The following CACNA1B variants were observed in gnomAD, a reference collection of about 807,000 sequenced individuals.
CACNA1B encodes the protein calcium voltage-gated channel subunit alpha1 B, also known as voltage-dependent N-type calcium channel subunit alpha-1B.
CACNA1B carries 70 observed loss-of-function variants against 247.2 expected under a neutral mutation model. The ratio of observed to expected loss-of-function variants is 0.28; its 90% confidence interval spans 0.23 to 0.35. The LOEUF (loss-of-function observed/expected upper bound fraction) is 0.35, where lower values mean the gene tolerates loss of function less well. Among genes scored for constraint, CACNA1B ranks in the 10% least tolerant of loss-of-function variants. The pLI is 1.00. For missense variants in CACNA1B, 2,367 were observed against 3,197.4 expected, an observed-to-expected ratio of 0.74 and a Z score of 6.26; for synonymous variants, 1,231 against 1,294.4, an observed-to-expected ratio of 0.95 and a Z score of 1.05.
chr9:137,950,368 T>C lies in CACNA1B; in HGVS notation c.967-1906T>C, dbSNP rs1957865077. ...CCCTAGCTGCAGGGGGTGCCCCTAC[T>C]GCCTGTGTAAATGGAAGTCAAGGTG... is the stretch of plus-strand genomic sequence containing the variant. On this transcript the variant is annotated intron_variant, in intron 6 of 46. Transcript: ENST00000371372. The surrounding 1 kb of genome is among the most constrained non-coding windows in gnomAD (Gnocchi z 4.8). Among the ~76,000 whole-genome samples, 1 of 152,244 alleles carries C rather than the reference T, an allele frequency of 6.6e-6. No individual in the cohort carries two copies. The highest frequency in any genetic ancestry group is 6.5e-5 in the Admixed American group (1 of 15,288).
chr9:138,049,515 C>G (rs1027634268), intron 24 of CACNA1B, among the ~76,000 whole-genome samples, 200 bp downstream of exon 24: 4 of 152,172 alleles, frequency 2.6e-5, no homozygotes, highest in Non-Finnish European at 5.9e-5. Flanking sequence ...GTCTGTGGCT[C>G]TCAAACTAGG....
chr9:137,882,690 C>A lies in CACNA1B; in HGVS notation c.391-54C>A. ...GGGGTCCTCACCAACCGTCTCTGCCCGCTACTACACCGGGTAGGGGCCAGG... is the reference window on the plus strand; with the variant it reads ...GGGGTCCTCACCAACCGTCTCTGCCAGCTACTACACCGGGTAGGGGCCAGG... On this transcript the variant is annotated intron_variant, in intron 2 of 46. Coordinates refer to ENST00000371372, the MANE Select transcript of CACNA1B (RefSeq NM_000718.4). The surrounding 1 kb of genome is among the most constrained non-coding windows in gnomAD (Gnocchi z 4.0). 1 of 1,606,062 alleles carries A rather than the reference C, an allele frequency of 6.2e-7. No homozygotes were observed. The highest frequency in any genetic ancestry group is 1.1e-5 in the South Asian group (1 of 90,660).
Position 137,974,654 on chromosome 9 carries a change from G to A in CACNA1B, c.1544-1253G>A, listed in dbSNP as rs78178087. ...TTAGGAGCATAGGGGTGGGAAGAGT[G>A]TGTGGCCCCCTCTTCCAGTGTCTGC... On this transcript the variant is annotated intron_variant, in intron 11 of 46. Transcript: ENST00000371372. The surrounding 1 kb of genome is among the most constrained non-coding windows in gnomAD (Gnocchi z 4.5). Among the ~76,000 whole-genome samples the A allele has an allele frequency of 0.013, 1,910 of 152,278 alleles. 42 individuals are homozygous for A. The highest frequency in any genetic ancestry group is 0.013 in the Non-Finnish European group (855 of 68,028).
At chr9:138,036,048 T>C (rs1464169469) in intron 20 of CACNA1B, among the ~76,000 whole-genome samples, 2 of 152,216 alleles carry the variant, frequency 1.3e-5, no homozygotes, top group Admixed American at 6.5e-5. Flanking sequence ...GATTCTGTTA[T>C]TCCTTTTCAT....
chr9:138,120,061 C>T lies in CACNA1B; in HGVS notation c.6031-104C>T, dbSNP rs934684801. On this transcript the variant is annotated intron_variant, in intron 44 of 46. Coordinates refer to ENST00000371372, the MANE Select transcript of CACNA1B (RefSeq NM_000718.4). ...CTGACTGTGAGACCAGGATGGGGGGCGTGTGGGCCTGCTGTCTGGCCTGCT... is the reference window on the plus strand; with the variant it reads ...CTGACTGTGAGACCAGGATGGGGGGTGTGTGGGCCTGCTGTCTGGCCTGCT... The T allele has an allele frequency of 1.3e-4, 119 of 926,124 alleles. No individual in the cohort carries two copies. The South Asian group carries it at 1.4e-3, about 11-fold the overall frequency. 57.4% of individuals were successfully genotyped at this position (926,124 alleles called of 1,614,324 possible). A position where few individuals can be genotyped will look rare whatever the true frequency, so the allele number is the denominator to read the frequency against.
intron 6 of CACNA1B, among the ~76,000 whole-genome samples, chr9:137,949,109 G>GTGT (rs1564203161): frequency 9.4e-4 from 48 of 51,146 alleles, no homozygotes; most frequent in Non-Finnish European, 1.1e-3. Context: ...TGTTTGTGGT[G>GTGT]GCTGTGTGTC....
At chr9:138,080,065 C>T (rs1252052666) in intron 36 of CACNA1B, among the ~76,000 whole-genome samples, 1 of 152,166 alleles carries the variant, frequency 6.6e-6, no homozygotes, top group Non-Finnish European at 1.5e-5. Flanking sequence ...TGAGGAAACA[C>T]CTCAAGCCTG....
chr9:138,121,770 T>C lies in CACNA1B; in HGVS notation c.6791T>C (p.Leu2264Pro). The change falls in exon 47 of 47, where the codon CTG becomes CCG. Residue 2264 changes from leucine (L) to proline (P), a missense_variant. Physicochemically the swap from Leu to Pro is moderately conservative, Grantham distance 98 (BLOSUM62 -3). Transcript: ENST00000371372. This position sits in a 1 kb window ranked among gnomAD's most constrained non-coding sequence, Gnocchi z 6.8. ...TCTGACCCTTACCTGGGGCAGCGTC[T>C]GGACAGTGAGGCCTCTGTCCACGCC... ...IGSDPYLGQR[L>P]DSEASVHALP... 1.2e-6 allele frequency: 2 copies of C among 1,613,344 alleles called. No individual in the cohort carries two copies. Among genetic ancestry groups the C allele is most frequent in the Non-Finnish European group, 1.7e-6 (2 of 1,179,878 alleles).
intron 5 of CACNA1B, among the ~76,000 whole-genome samples, chr9:137,916,007 A>G (rs1957406080): frequency 6.6e-6 from 1 of 150,642 alleles, no homozygotes; most frequent in African/African-American, 2.4e-5. Flanking sequence ...ATGTTGATAG[A>G]TATTTTCATG....
At position 138,124,596 on chromosome 9, in the gene CACNA1B, C is replaced by CTT. The variant is rs1962200407; in HGVS notation, c.*2598_*2599dup. ...CAAAGTCCTTGAATTAAAATAAAAA[C>CTT]TTAGCAAAAAATCAAAAACAAAACC... is the stretch of plus-strand genomic sequence containing the variant. On this transcript the variant is annotated 3_prime_UTR_variant, in exon 47 of 47. Coordinates refer to ENST00000371372, the MANE Select transcript of CACNA1B (RefSeq NM_000718.4). The CTT allele has an allele frequency of 6.6e-6, 1 of 152,174 alleles. No homozygotes were observed. Among genetic ancestry groups the CTT allele is most frequent in the African/African-American group, 2.4e-5 (1 of 41,434 alleles). 9.4% of individuals were successfully genotyped at this position (152,174 alleles called of 1,614,324 possible). A position where few individuals can be genotyped will look rare whatever the true frequency, so the allele number is the denominator to read the frequency against.
chr9:138,118,630 T>C, intron 43 of CACNA1B, 22 bp from the exon 44 acceptor site: 1 of 1,192,052 alleles, frequency 8.4e-7, no homozygotes, highest in Non-Finnish European at 1.2e-6. Flanking sequence ...GTGGTGGGAC[T>C]AGGTGAGTGC....
intron 31 of CACNA1B, 37 bp from the exon 32 acceptor site, chr9:138,069,721 A>G: frequency 6.4e-7 from 1 of 1,572,206 alleles, no homozygotes. Flanking sequence ...TTTGTAAATA[A>G]TATGCAAATA....
chr9:138,040,473 C>T (rs1441941862), intron 20 of CACNA1B: 4 of 197,322 alleles, frequency 2.0e-5, no homozygotes, highest in African/African-American at 1.2e-4. Context: ...TATGTATCTC[C>T]TATATATCAT....
At chr9:138,028,903 A>C (rs1187012294) in intron 20 of CACNA1B, among the ~76,000 whole-genome samples, 1 of 151,928 alleles carries the variant, frequency 6.6e-6, no homozygotes, top group African/African-American at 2.4e-5. Context: ...GTTTTCTGGG[A>C]CCTCTATTCA....
At chr9:138,006,205 T>C (rs926976076) in intron 15 of CACNA1B, among the ~76,000 whole-genome samples, 2 of 152,032 alleles carry the variant, frequency 1.3e-5, no homozygotes, top group Non-Finnish European at 2.9e-5. Context: ...GGGGGACACA[T>C]GAGTGTTTAT....
intron 31 of CACNA1B, among the ~76,000 whole-genome samples, chr9:138,066,777 T>C (rs990373661): frequency 3.9e-5 from 6 of 152,312 alleles, no homozygotes; most frequent in Non-Finnish European, 5.9e-5. Context: ...TTAATGTTTA[T>C]ATTAGAAAAA....
rs149852019 is a variant in CACNA1B at position 137,973,720 on chromosome 9, A to G, written c.1543+2128A>G. Among the ~76,000 whole-genome samples, 46 of 152,308 alleles carry G rather than the reference A, an allele frequency of 3.0e-4. No individual in the cohort carries two copies. The East Asian group carries it at 8.7e-3, about 29-fold the overall frequency. The stretch of plus-strand genomic sequence containing the variant: ...CAAAACAGCACCAGTGCCTGCTGGT[A>G]GGATGCATGATACAAGAGTGTACGA... On this transcript the variant is annotated intron_variant, in intron 11 of 46. Transcript: ENST00000371372. The surrounding 1 kb of genome is among the most constrained non-coding windows in gnomAD (Gnocchi z 4.1).
intron 22 of CACNA1B, 123 bp downstream of exon 22, chr9:138,047,156 C>T (rs548535099): frequency 1.3e-5 from 12 of 955,232 alleles, no homozygotes; most frequent in East Asian, 7.9e-5. Context: ...CCCCTCCTTC[C>T]TCTGTCTGTG....
At position 138,052,980 on chromosome 9, in the gene CACNA1B, C is replaced by A. The variant is rs1959348547; in HGVS notation, c.3807+792C>A. On this transcript the variant is annotated intron_variant, in intron 25 of 46. Transcript: ENST00000371372. This position sits in a 1 kb window ranked among gnomAD's most constrained non-coding sequence, Gnocchi z 5.1. ...GGTGTCTTCCCAGCTCTGAGAGCAG[C>A]ATTGTGTGCACAGGGAATGCTGAGC... Among the ~76,000 whole-genome samples, 1 of 152,240 alleles carries A rather than the reference C, an allele frequency of 6.6e-6. No homozygotes were observed. The highest frequency in any genetic ancestry group is 1.5e-5 in the Non-Finnish European group (1 of 68,052).
Sources: allele counts gnomAD v4.1 joint callset (sites outside exome capture counted in the v4.1 genomes callset), GRCh38; gene constraint gnomAD v4.1.1; non-coding constraint Gnocchi (gnomAD v3.1); transcripts MANE v1.5; gene names NCBI Gene and HGNC (gene_info 2026-07-23, HGNC 2026-07-21).